CEP41: variants seen among roughly 807,000 people sequenced by gnomAD.
CEP41 encodes centrosomal protein 41.
CEP41 carries 32 observed loss-of-function variants against 44.3 expected under a neutral mutation model. The ratio of observed to expected loss-of-function variants is 0.72; its 90% CI spans 0.54 to 0.97. The LOEUF (loss-of-function observed/expected upper bound fraction) is 0.97. Ranked by LOEUF, CEP41 falls within the 50% of genes least tolerant of loss-of-function variation. The pLI is 0.00. For missense variants in CEP41, 432 were observed against 455.2 expected, an observed-to-expected ratio of 0.95 and a Z score of 0.46; for synonymous variants, 151 against 168.5, an observed-to-expected ratio of 0.90 and a Z score of 0.80.
intron 1 of CEP41, among the ~76,000 whole-genome samples, chr7:130,435,397 A>C (rs1797932474): frequency 6.6e-6 from 1 of 152,080 alleles, no homozygotes; most frequent in Non-Finnish European, 1.5e-5. Flanking sequence ...GGAAACAAAA[A>C]CTCAACAGTT....
intron 2 of CEP41, chr7:130,420,803 T>C (rs1797485505): frequency 1.5e-6 from 1 of 645,812 alleles, no homozygotes; most frequent in Admixed American, 6.3e-5. Context: ...ATAGGAAAAA[T>C]ACACATTTGC....
In CEP41 at chr7:130,417,414, G is replaced by A. The variant is rs1009410641; in HGVS notation, c.98-448C>T. ...GTTACCCAAGCAACTCTCTCCTCTC[G>A]GCTTTGTCTTCACAGTTTCCTTCTC... On this transcript the variant is annotated intron_variant, in intron 2 of 10. Coordinates refer to ENST00000223208, the MANE Select transcript of CEP41 (RefSeq NM_018718.3). 6.2e-5 allele frequency: 59 copies of A among 955,678 alleles called. 1 individual carries two copies. The African/African-American group carries it at 8.6e-4, about 14-fold the overall frequency. 59.2% of individuals were successfully genotyped at this position (955,678 alleles called of 1,614,324 possible).
intron 1 of CEP41, among the ~76,000 whole-genome samples, chr7:130,437,194 A>G (rs539449062): frequency 6.6e-6 from 1 of 152,170 alleles, no homozygotes; most frequent in East Asian, 1.9e-4. Flanking sequence ...AACCAGTCAT[A>G]TAGGTTATCT....
At chr7:130,414,725 A>G (rs782241257) in intron 3 of CEP41, among the ~76,000 whole-genome samples, 1 of 152,214 alleles carries the variant, frequency 6.6e-6, no homozygotes, top group Non-Finnish European at 1.5e-5. Flanking sequence ...ACTTTTTGAC[A>G]TGATTACTCA....
At chr7:130,431,121 A>C (rs1216894891) in intron 1 of CEP41, among the ~76,000 whole-genome samples, 1 of 145,626 alleles carries the variant, frequency 6.9e-6, no homozygotes, top group Non-Finnish European at 1.5e-5. Flanking sequence ...TACCAACCGC[A>C]ATGTAAAACT....
chr7:130,423,374 A>G (rs1554422687), intron 2 of CEP41, among the ~76,000 whole-genome samples: 1 of 152,266 alleles, frequency 6.6e-6, no homozygotes, highest in Non-Finnish European at 1.5e-5. Context: ...AAAGGTGCTC[A>G]AACATTATCA....
chr7:130,418,313 T>A (rs1385569857), intron 2 of CEP41, among the ~76,000 whole-genome samples: 1 of 152,146 alleles, frequency 6.6e-6, no homozygotes, highest in Non-Finnish European at 1.5e-5. Flanking sequence ...TTTCCTAGGT[T>A]CTTCAAACTG....
chr7:130,417,659 C>G (rs1271764501), intron 2 of CEP41, among the ~76,000 whole-genome samples: 2 of 152,306 alleles, frequency 1.3e-5, no homozygotes, highest in Non-Finnish European at 2.9e-5. Context: ...AAAAACTCAG[C>G]CAGGAACCTT....
intron 1 of CEP41, among the ~76,000 whole-genome samples, chr7:130,429,329 CAT>C (rs141554176): frequency 0.014 from 2,076 of 152,276 alleles, 48 homozygotes; most frequent in African/African-American, 0.048. Context: ...AGCAAAAATG[CAT>C]ATGTCAGGTC....
chr7:130,404,744 C>T, intron 5 of CEP41, 36 bp from the exon 6 acceptor site: 4 of 1,518,480 alleles, frequency 2.6e-6, no homozygotes, highest in Non-Finnish European at 3.7e-6. Context: ...TTAGATTGAA[C>T]CTCAGGATTT....
At chr7:130,400,429 T>C (rs1166064648) in intron 9 of CEP41, 175 bp from the exon 10 acceptor site, 2 of 666,486 alleles carry the variant, frequency 3.0e-6, no homozygotes, top group Non-Finnish European at 2.7e-6. Context: ...AAAATATCTG[T>C]TGTTACATGG....
At chr7:130,399,936 A>T in intron 10 of CEP41, 103 bp downstream of exon 10, 1 of 894,578 alleles carries the variant, frequency 1.1e-6, no homozygotes, top group Non-Finnish European at 1.9e-6. Context: ...ATACCTCCCT[A>T]GTATTTTAAG....
chr7:130,404,474 T>C lies in CEP41; in HGVS notation c.422+90A>G, dbSNP rs1355309200. The C allele has an allele frequency of 3.7e-6, 4 of 1,080,438 alleles. No individual in the cohort carries two copies. In the African/African-American group the frequency reaches 6.2e-5, roughly 17 times the overall value. 66.9% of individuals were successfully genotyped at this position (1,080,438 alleles called of 1,614,324 possible). ...ACTTTACTCCTGCCAGTTCTGTTTC[T>C]AAGGCAAGAAAAAAAAAAGATCCCT... On this transcript the variant is annotated intron_variant, in intron 6 of 10. Transcript: ENST00000223208.
chr7:130,422,005 C>T (rs1554422323), intron 2 of CEP41: 12 of 1,535,878 alleles, frequency 7.8e-6, no homozygotes, highest in East Asian at 2.4e-5. Flanking sequence ...TACACACAGG[C>T]ACCTATGGAA....
intron 2 of CEP41, among the ~76,000 whole-genome samples, chr7:130,424,523 TG>T (rs1797602944): frequency 6.6e-6 from 1 of 152,116 alleles, no homozygotes; most frequent in Non-Finnish European, 1.5e-5. Context: ...ACATGGATCA[TG>T]GGATCAGAAT....
chr7:130,440,527 A>G, intron 1 of CEP41: 2 of 375,126 alleles, frequency 5.3e-6, no homozygotes, highest in Non-Finnish European at 1.0e-5. Flanking sequence ...AGGTTTGGTC[A>G]GCTTACTCCT....
At chr7:130,399,199 A>G in intron 10 of CEP41, 160 bp from the exon 11 acceptor site, 2 of 759,762 alleles carry the variant, frequency 2.6e-6, no homozygotes, top group South Asian at 1.7e-5. Flanking sequence ...CCTACTCCTC[A>G]TCCTTGAGAT....
At chr7:130,418,971 G>C (rs1797419278) in intron 2 of CEP41, 1 of 621,196 alleles carries the variant, frequency 1.6e-6, no homozygotes, top group African/African-American at 2.0e-5. Flanking sequence ...CTTTATTATT[G>C]AAACACTGCA....
intron 1 of CEP41, among the ~76,000 whole-genome samples, chr7:130,431,210 T>C (rs1554425009): frequency 6.6e-6 from 1 of 152,166 alleles, no homozygotes. Flanking sequence ...ATTCTTGCTT[T>C]GTGGGGTGAC....
Sources: allele counts gnomAD v4.1 joint callset (sites outside exome capture counted in the v4.1 genomes callset), GRCh38; gene constraint gnomAD v4.1.1; transcripts MANE v1.5; gene names NCBI Gene and HGNC (gene_info 2026-07-23, HGNC 2026-07-21).